Variants in TBATA observed in about 807,000 individuals in gnomAD.
TBATA encodes protein TBATA.
Under a neutral mutation model 38.7 loss-of-function variants are expected in TBATA, and 47 were observed. The observed-to-expected ratio is 1.21, with a 90% CI of 0.96 to 1.55. The LOEUF is 1.55. Among genes scored for constraint, TBATA ranks in the 40% most tolerant of loss-of-function variants. The pLI, the probability that TBATA is intolerant of heterozygous loss-of-function variation, is 0.00. For missense variants in TBATA, 436 were observed against 435.6 expected, an observed-to-expected ratio of 1.00 and a Z score of -0.01; for synonymous variants, 183 against 170.5, an observed-to-expected ratio of 1.07 and a Z score of -0.57.
At chr10:70,771,606 G>C (rs1842799127) in intron 10 of TBATA, 145 bp from the exon 11 acceptor site, 1 of 712,126 alleles carries the variant, frequency 1.4e-6, no homozygotes, top group African/African-American at 1.8e-5. Flanking sequence ...ACCGAGGAGG[G>C]AATCCAACCT....
chr10:70,779,709 T>A lies in TBATA; in HGVS notation c.311A>T (p.Asp104Val). 6.5e-7 allele frequency: 1 copy of A among 1,536,910 alleles called. No homozygotes were observed. The highest frequency in any genetic ancestry group is 8.7e-7 in the Non-Finnish European group (1 of 1,151,196). ...LTGKPVCVVR[D>V]FPAPLPESTV... is the part of the protein sequence containing the mutation. ...TGACTCAGGCAAGGGGGCTGGAAAATCCCTGACGACACAGACAGGCTTCCC... is the reference window on the plus strand; with the variant it reads ...TGACTCAGGCAAGGGGGCTGGAAAAACCCTGACGACACAGACAGGCTTCCC... Residue 104 changes from aspartate to valine, a missense_variant, in exon 5 of 11, where the codon GAT becomes GTT. By Grantham distance (152) the Asp-to-Val change is radical. Coordinates refer to ENST00000456372, the MANE Select transcript of TBATA (RefSeq NM_001318241.2).
intron 6 of TBATA, chr10:70,777,935 G>T (rs931156851): frequency 2.9e-6 from 1 of 350,844 alleles, no homozygotes; most frequent in Admixed American, 3.8e-5. Context: ...CAGTGAGTTA[G>T]TTGTGAGCAG....
At chr10:70,785,087 C>CT (rs1262791766) in intron 1 of TBATA, among the ~76,000 whole-genome samples, 198 bp downstream of exon 1, 1 of 152,216 alleles carries the variant, frequency 6.6e-6, no homozygotes, top group African/African-American at 2.4e-5. Flanking sequence ...CCAAGCCTGC[C>CT]TTGTCCAGAG....
At chr10:70,774,466 C>A in intron 8 of TBATA, 109 bp from the exon 9 acceptor site, 1 of 1,077,630 alleles carries the variant, frequency 9.3e-7, no homozygotes, top group Non-Finnish European at 1.3e-6. Flanking sequence ...CTAAGCATCC[C>A]ACCTTCTGCC....
At chr10:70,773,950 C>A (rs926948186) in intron 9 of TBATA, among the ~76,000 whole-genome samples, 5 of 152,252 alleles carry the variant, frequency 3.3e-5, no homozygotes, top group Admixed American at 6.5e-5. Context: ...GCTAATCCAG[C>A]CTTATCTGGT....
chr10:70,779,708 A>G lies in TBATA; in HGVS notation c.312T>C (p.Asp104=). The G allele has an allele frequency of 6.5e-7, 1 of 1,537,810 alleles. No individual in the cohort carries two copies. Among genetic ancestry groups the G allele is most frequent in the Non-Finnish European group, 8.7e-7 (1 of 1,151,580 alleles). The change falls in exon 5 of 11, where the codon GAT becomes GAC. Residue 104 remains aspartate (D), a synonymous_variant. Coordinates refer to ENST00000456372, the MANE Select transcript of TBATA (RefSeq NM_001318241.2). Reference sequence around the variant, plus strand: ...TTGACTCAGGCAAGGGGGCTGGAAAATCCCTGACGACACAGACAGGCTTCC... The same window carrying G: ...TTGACTCAGGCAAGGGGGCTGGAAAGTCCCTGACGACACAGACAGGCTTCC... ...LTGKPVCVVR[D]FPAPLPESTV...
rs766859928 is a variant in TBATA at position 70,781,832 on chromosome 10, G to T, written c.246C>A (p.His82Gln). Residue 82 changes from histidine to glutamine, a missense_variant, in exon 4 of 11, where the codon CAC becomes CAA. By Grantham distance (24) the His-to-Gln change is conservative (BLOSUM62 0). Transcript: ENST00000456372. Reference protein sequence around the residue: ...LSHHSFFSRHHPHPQHVTHIQ... With the variant: ...LSHHSFFSRHQPHPQHVTHIQ... The stretch of plus-strand genomic sequence containing the variant: ...TGTGGGTCACGTGCTGGGGGTGTGG[G>T]TGGTGCCGGGAGAAGAAGGAGTGGT... 7 of 1,613,984 alleles carry T rather than the reference G, an allele frequency of 4.3e-6. No homozygotes were observed. Among genetic ancestry groups the T allele is most frequent in the Non-Finnish European group, 5.9e-6 (7 of 1,179,928 alleles).
At chr10:70,773,897 A>T (rs769079120) in intron 9 of TBATA, among the ~76,000 whole-genome samples, 12 of 152,172 alleles carry the variant, frequency 7.9e-5, no homozygotes, top group Non-Finnish European at 1.8e-4. Context: ...CTCTCTACTC[A>T]TGTCTTCCCA....
chr10:70,783,463 T>C lies in TBATA; in HGVS notation c.-84A>G, dbSNP rs550338021. ...AACAGGAACTCTCACTTAATACTAG[T>C]GTTGAGGATGCAGAACAGGAACTCT... On this transcript the variant is annotated 5_prime_UTR_variant, in exon 3 of 11. Transcript: ENST00000456372. 2.7e-6 allele frequency: 4 copies of C among 1,499,262 alleles called. No individual in the cohort carries two copies. Among genetic ancestry groups the C allele is most frequent in the East Asian group, 2.3e-5 (1 of 44,202 alleles). 92.9% of individuals were successfully genotyped at this position (1,499,262 alleles called of 1,614,324 possible). A position where few individuals can be genotyped will look rare whatever the true frequency, so the allele number is the denominator to read the frequency against.
chr10:70,773,031 C>T (rs1175872075), intron 9 of TBATA, among the ~76,000 whole-genome samples: 1 of 152,118 alleles, frequency 6.6e-6, no homozygotes, highest in Non-Finnish European at 1.5e-5. Flanking sequence ...TTTTATGTGC[C>T]CGATGTTATT....
intron 7 of TBATA, among the ~76,000 whole-genome samples, chr10:70,775,819 G>A (rs1054973459): frequency 1.8e-4 from 27 of 152,204 alleles, no homozygotes; most frequent in Non-Finnish European, 1.2e-4. Flanking sequence ...CCTGAGGCGG[G>A]GCAGCACAGG....
intron 7 of TBATA, among the ~76,000 whole-genome samples, chr10:70,776,119 C>T (rs1843360951): frequency 2.0e-5 from 3 of 152,168 alleles, no homozygotes; most frequent in African/African-American, 7.2e-5. Flanking sequence ...CCCTCAGCTC[C>T]TGGCGGTCAG....
intron 6 of TBATA, among the ~76,000 whole-genome samples, chr10:70,778,218 C>T (rs886208839): frequency 2.0e-5 from 3 of 152,190 alleles, no homozygotes; most frequent in Admixed American, 2.0e-4. Context: ...TCACCTTTCC[C>T]ATTGCTGCCC....
intron 9 of TBATA, 50 bp downstream of exon 9, chr10:70,774,163 C>G: frequency 6.2e-7 from 1 of 1,601,954 alleles, no homozygotes; most frequent in East Asian, 2.2e-5. Context: ...ACTGGCCTCA[C>G]CTGGGAGGAC....
chr10:70,777,548 C>T (rs1281337873), intron 6 of TBATA, among the ~76,000 whole-genome samples: 3 of 152,150 alleles, frequency 2.0e-5, no homozygotes, highest in Admixed American at 6.5e-5. Flanking sequence ...TGGGCATCCC[C>T]GGCCCTCTCT....
intron 7 of TBATA, chr10:70,776,515 T>C (rs1843422290): frequency 2.4e-6 from 1 of 420,550 alleles, no homozygotes; most frequent in Admixed American, 2.5e-5. Context: ...CTGTCTGCTC[T>C]ATCCACTTTG....
chr10:70,774,689 A>T (rs1472891888), intron 8 of TBATA, among the ~76,000 whole-genome samples: 2 of 152,088 alleles, frequency 1.3e-5, no homozygotes, highest in Non-Finnish European at 2.9e-5. Flanking sequence ...TCTCCTGTCC[A>T]GGAAGTCTTC....
At chr10:70,782,581 T>C in intron 3 of TBATA, 1 of 985,474 alleles carries the variant, frequency 1.0e-6, no homozygotes, top group East Asian at 1.1e-4. Context: ...TCTGTTCCCA[T>C]GGGGGTCCCT....
Position 70,781,822 on chromosome 10 carries a change from G to T in TBATA, c.256C>A (p.Gln86Lys). The T allele has an allele frequency of 6.2e-7, 1 of 1,614,036 alleles. No individual in the cohort carries two copies. Among genetic ancestry groups the T allele is most frequent in the Non-Finnish European group, 8.5e-7 (1 of 1,179,884 alleles). Residue 86 changes from glutamine (Q) to lysine (K), a missense_variant, in exon 4 of 11, where the codon CAG becomes AAG. Transcript: ENST00000456372. Reference sequence around the variant, plus strand: ...CTACCTTGGATGTGGGTCACGTGCTGGGGGTGTGGGTGGTGCCGGGAGAAG... The same window carrying T: ...CTACCTTGGATGTGGGTCACGTGCTTGGGGTGTGGGTGGTGCCGGGAGAAG... ...SFFSRHHPHP[Q>K]HVTHIQDLTG...
Sources: gnomAD v4.1 joint callset for allele counts (sites outside exome capture counted in the v4.1 genomes callset) on GRCh38, gnomAD v4.1.1 for gene constraint, MANE v1.5 for transcripts, NCBI Gene and HGNC (gene_info 2026-07-23, HGNC 2026-07-21) for gene names.